The following MTMR9 variants were observed in gnomAD, a reference collection of about 807,000 sequenced individuals.
MTMR9 encodes myotubularin related protein 9.
In MTMR9, 39 loss-of-function variants were observed where a neutral mutation model predicts 69.5. That is an observed-to-expected ratio of 0.56 (90% CI 0.43 to 0.73). MTMR9 has a LOEUF of 0.73. MTMR9 is among the 30% of genes least tolerant of loss of function. MTMR9 has a pLI of 0.00. For missense variants in MTMR9, 900 were observed against 671.2 expected (o/e 1.34, Z -3.77); for synonymous variants, 354 against 240.8 (o/e 1.47, Z -4.35).
rs1195253238 is a variant in MTMR9 at position 11,309,580 on chromosome 8, A to G, written c.863A>G (p.Gln288Arg). 2.5e-6 allele frequency: 4 copies of G among 1,613,808 alleles called. No individual in the cohort carries two copies. The highest frequency in any genetic ancestry group is 1.7e-5 in the Admixed American group (1 of 59,982). Reference sequence around the variant, plus strand: ...AAACTTGTGGAAGCTTGTAATGACCAAACACATAACATGGACCGATGGCTC... The same window carrying G: ...AAACTTGTGGAAGCTTGTAATGACCGAACACATAACATGGACCGATGGCTC... ...LIKLVEACND[Q>R]THNMDRWLSK... Residue 288 changes from glutamine to arginine, a missense_variant, in exon 6 of 10, where the codon CAA becomes CGA. Gln to Arg is a conservative substitution (Grantham distance 43). Transcript: ENST00000221086.
rs757045928 is a variant in MTMR9, at chr8:11,319,683, T to C, written c.1335-4T>C. The C allele has an allele frequency of 6.2e-7, 1 of 1,613,370 alleles. No homozygotes were observed. Among genetic ancestry groups the C allele is most frequent in the Non-Finnish European group, 8.5e-7 (1 of 1,179,948 alleles). On this transcript the variant is annotated splice_region_variant and splice_polypyrimidine_tract_variant and intron_variant, in intron 8 of 9. Coordinates refer to ENST00000221086, the MANE Select transcript of MTMR9 (RefSeq NM_015458.4). ...CTTTAATGGCAGTGTTCTTTCTTGA[T>C]CAGATGTAAGTTGAAGCTACAGCAG...
intron 2 of MTMR9, among the ~76,000 whole-genome samples, chr8:11,297,600 A>G (rs1338242254): frequency 6.7e-6 from 1 of 148,734 alleles, no homozygotes; most frequent in Non-Finnish European, 1.5e-5. Context: ...TTCCTTTGTG[A>G]GAATTGATCT....
At position 11,284,957 on chromosome 8, in the gene MTMR9, G is replaced by T. The variant is rs761698887; in HGVS notation, c.69G>T (p.Pro23=). ...DNVVLHRPFY[P]AVEGTLCLTG... is the part of the protein sequence containing the mutation. ...TGGTGCTGCACCGGCCTTTCTACCC[G>T]GCTGTCGAGGGCACCCTGTGCCTGA... is the stretch of plus-strand genomic sequence containing the variant. The change falls in exon 1 of 10, where the codon CCG becomes CCT. Residue 23 remains proline, a synonymous_variant. Transcript: ENST00000221086. The T allele has an allele frequency of 6.2e-7, 1 of 1,613,876 alleles. No individual in the cohort carries two copies. The highest frequency in any genetic ancestry group is 8.5e-7 in the Non-Finnish European group (1 of 1,179,936).
chr8:11,312,675 G>C (rs971413703), intron 6 of MTMR9, among the ~76,000 whole-genome samples: 2 of 152,208 alleles, frequency 1.3e-5, no homozygotes, highest in African/African-American at 4.8e-5. Context: ...ATGAATCACA[G>C]ATATTTTTAA....
Position 11,316,819 on chromosome 8 carries a change from T to C in MTMR9, c.1260T>C (p.Asn420=). The change falls in exon 8 of 10, where the codon AAT becomes AAC. Residue 420 remains asparagine, a synonymous_variant. Transcript: ENST00000221086. ...CCTGTTCTTTTGAGTTTAATGAGAA[T>C]TTCCTCATCATGCTCTTTGAGCATG... ...QFPCSFEFNE[N]FLIMLFEHAY... The C allele has an allele frequency of 6.2e-7, 1 of 1,613,876 alleles. No homozygotes were observed. Among genetic ancestry groups the C allele is most frequent in the Non-Finnish European group, 8.5e-7 (1 of 1,179,904 alleles).
chr8:11,302,283 CAA>C (rs60497555), intron 3 of MTMR9, among the ~76,000 whole-genome samples: 2,978 of 103,986 alleles, frequency 0.029, 103 homozygotes, highest in African/African-American at 0.095. Context: ...AAGAGGAAGA[CAA>C]AAAAAAAAAA....
chr8:11,325,869 G>C lies in MTMR9; in HGVS notation c.*3081G>C, dbSNP rs1052607244. On this transcript the variant is annotated 3_prime_UTR_variant, in exon 10 of 10. Coordinates refer to ENST00000221086, the MANE Select transcript of MTMR9 (RefSeq NM_015458.4). ...TGTATTTTATTTCCAAGAAAACTTA[G>C]GGTCTCAAAGCAAGATTTTAAAGTG... 1.3e-5 allele frequency: 2 copies of C among 152,170 alleles called. No homozygotes were observed. The highest frequency in any genetic ancestry group is 2.1e-4 in the South Asian group (1 of 4,810). The allele number at this position is 152,170 out of a possible 1,614,324, so 9.4% of individuals were successfully genotyped here. A position where few individuals can be genotyped will look rare whatever the true frequency, so the allele number is the denominator to read the frequency against.
At chr8:11,328,906 T>G (rs1465773923), downstream of MTMR9, among the ~76,000 whole-genome samples, 1 of 152,234 alleles carries the variant, frequency 6.6e-6, no homozygotes, top group Non-Finnish European at 1.5e-5. Context: ...AGGAGTTTTA[T>G]AGTTTAAAAT....
chr8:11,298,922 G>C (rs1272296780), intron 2 of MTMR9: 1 of 958,098 alleles, frequency 1.0e-6, no homozygotes, highest in African/African-American at 1.8e-5. Context: ...CCCCATTTGA[G>C]AATGGATCCC....
At chr8:11,321,485 G>A (rs1800688645) in intron 9 of MTMR9, 1 of 456,498 alleles carries the variant, frequency 2.2e-6, no homozygotes, top group Non-Finnish European at 4.4e-6. Flanking sequence ...TAATTGCTTT[G>A]TACCAAACCT....
At chr8:11,314,862 C>A in intron 6 of MTMR9, 61 bp from the exon 7 acceptor site, 1 of 1,533,230 alleles carries the variant, frequency 6.5e-7, no homozygotes, top group Non-Finnish European at 9.0e-7. Flanking sequence ...TTGTTATTAA[C>A]AGAGTTCATT....
intron 8 of MTMR9, 155 bp downstream of exon 8, chr8:11,317,048 A>G: frequency 2.0e-6 from 1 of 493,474 alleles, no homozygotes; most frequent in South Asian, 4.3e-5. Flanking sequence ...AAATGACCTG[A>G]AGTATATTCT....
At chr8:11,319,555 CTTTG>C in intron 8 of MTMR9, 128 bp from the exon 9 acceptor site, 1 of 903,206 alleles carries the variant, frequency 1.1e-6, no homozygotes, top group South Asian at 1.7e-5. Flanking sequence ...TTTTTCAACA[CTTTG>C]TTTCTCTACC....
chr8:11,311,568 A>T (rs1379898754), intron 6 of MTMR9, among the ~76,000 whole-genome samples: 1 of 152,242 alleles, frequency 6.6e-6, no homozygotes, highest in Non-Finnish European at 1.5e-5. Flanking sequence ...AACAATATAC[A>T]TACCTGAATT....
At chr8:11,317,172 C>CA (rs935725789) in intron 8 of MTMR9, 2 of 212,970 alleles carry the variant, frequency 9.4e-6, no homozygotes, top group African/African-American at 4.6e-5. Flanking sequence ...TAGTATCTTA[C>CA]ATGTGGAAAA....
In MTMR9 at chr8:11,306,248, A is replaced by C; in HGVS notation, c.650A>C (p.Asp217Ala). 1 of 1,613,876 alleles carries C rather than the reference A, an allele frequency of 6.2e-7. No individual in the cohort carries two copies. The highest frequency in any genetic ancestry group is 8.5e-7 in the Non-Finnish European group (1 of 1,179,950). Reference sequence around the variant, plus strand: ...ACAAACGGGAGGAGGTGCAAGGAGGACGAGAAGCTGATAAATGCTACCCTC... The same window carrying C: ...ACAAACGGGAGGAGGTGCAAGGAGGCCGAGAAGCTGATAAATGCTACCCTC... ...TGTNGRRCKEDEKLINATLRA... is the reference protein window; with the variant it reads ...TGTNGRRCKEAEKLINATLRA... Residue 217 changes from aspartate to alanine, a missense_variant, in exon 5 of 10, where the codon GAC becomes GCC. By Grantham distance (126) the Asp-to-Ala change is moderately radical (BLOSUM62 -2). Coordinates refer to ENST00000221086, the MANE Select transcript of MTMR9 (RefSeq NM_015458.4).
chr8:11,329,023 T>C (rs925027805), downstream of MTMR9, among the ~76,000 whole-genome samples: 1 of 152,358 alleles, frequency 6.6e-6, no homozygotes, highest in East Asian at 1.9e-4. Flanking sequence ...CCCAACACTT[T>C]GTTGAAGAGA....
chr8:11,316,371 G>A (rs921414148), intron 7 of MTMR9: 4 of 203,544 alleles, frequency 2.0e-5, no homozygotes, highest in Non-Finnish European at 2.9e-5. Context: ...GGTTTATTTT[G>A]TAAGTTTATT....
intron 2 of MTMR9, among the ~76,000 whole-genome samples, chr8:11,299,496 A>G (rs1799676869): frequency 6.6e-6 from 1 of 152,144 alleles, no homozygotes; most frequent in African/African-American, 2.4e-5. Flanking sequence ...TGACTTTCCT[A>G]CTGCACTGCT....
Sources: gnomAD v4.1 joint callset for allele counts (sites outside exome capture counted in the v4.1 genomes callset) on GRCh38, gnomAD v4.1.1 for gene constraint, MANE v1.5 for transcripts, NCBI Gene and HGNC (gene_info 2026-07-23, HGNC 2026-07-21) for gene names.